CCDC178: variants seen among roughly 807,000 people sequenced by gnomAD.
CCDC178 encodes the protein coiled-coil domain containing 178.
Under a neutral mutation model 117.4 loss-of-function variants are expected in CCDC178, and 126 were observed. That is an observed-to-expected ratio of 1.07 (90% CI 0.93 to 1.24). CCDC178 has a LOEUF of 1.24. CCDC178 is among the 50% of genes most tolerant of loss of function. The pLI is 0.00. For missense variants in CCDC178, 1,030 were observed against 986.9 expected, an observed-to-expected ratio of 1.04 and a Z score of -0.59; for synonymous variants, 283 against 313.4, an observed-to-expected ratio of 0.90 and a Z score of 1.02.
At position 33,105,561 on chromosome 18, in the gene CCDC178, T is replaced by C. The variant is rs80211750; in HGVS notation, c.2239-12651A>G. Among the ~76,000 whole-genome samples, 90 of 151,844 alleles carry C rather than the reference T, an allele frequency of 5.9e-4. 1 individual carries two copies. The East Asian group carries it at 0.016, about 26-fold the overall frequency. On this transcript the variant is annotated intron_variant, in intron 20 of 22. Transcript: ENST00000383096. ...ATGTGTTCTTAAATGAGAGGACTTT[T>C]CAAAGAATTATACAGGAATGGTATT...
intron 20 of CCDC178, among the ~76,000 whole-genome samples, chr18:33,197,640 A>AT (rs2058946744): frequency 6.6e-6 from 1 of 151,500 alleles, no homozygotes; most frequent in South Asian, 2.1e-4. Flanking sequence ...AAAAAAAAAA[A>AT]TACTTATGCT....
intron 4 of CCDC178, among the ~76,000 whole-genome samples, chr18:33,392,410 C>T (rs1277591351): frequency 6.6e-6 from 1 of 152,156 alleles, no homozygotes; most frequent in Non-Finnish European, 1.5e-5. Context: ...TAGTTTTACT[C>T]TAATCTTCAA....
Position 32,937,502 on chromosome 18 carries a change from A to T in CCDC178, c.*509T>A, listed in dbSNP as rs1440345707. On this transcript the variant is annotated 3_prime_UTR_variant, in exon 23 of 23. Transcript: ENST00000383096. ...AATTAAGATAGAACATTGAGGAGTG[A>T]TTGAGAGAGACAGCTCTCAGTGAGC... 6.5e-6 allele frequency: 1 copy of T among 153,148 alleles called. No individual in the cohort carries two copies. The highest frequency in any genetic ancestry group is 1.5e-5 in the Non-Finnish European group (1 of 68,576). The allele number at this position is 153,148 out of a possible 1,614,324, so 9.5% of individuals were successfully genotyped here.
intron 9 of CCDC178, among the ~76,000 whole-genome samples, chr18:33,339,922 C>A (rs915716520): frequency 6.6e-5 from 10 of 152,122 alleles, no homozygotes; most frequent in African/African-American, 2.4e-4. Flanking sequence ...TGAACTAATA[C>A]AGTAAATTGG....
intron 21 of CCDC178, among the ~76,000 whole-genome samples, chr18:33,051,719 C>G (rs570894185): frequency 6.6e-6 from 1 of 152,264 alleles, no homozygotes; most frequent in African/African-American, 2.4e-5. Flanking sequence ...TTGCTCAGTC[C>G]AGGGGCGCCA....
intron 20 of CCDC178, among the ~76,000 whole-genome samples, chr18:33,166,173 G>A (rs1217637862): frequency 6.6e-6 from 1 of 152,162 alleles, no homozygotes; most frequent in Non-Finnish European, 1.5e-5. Context: ...TCTGGAAAGG[G>A]TCTTATGGAT....
intron 22 of CCDC178, among the ~76,000 whole-genome samples, chr18:32,972,394 C>T (rs2072385896): frequency 6.6e-6 from 1 of 152,016 alleles, no homozygotes; most frequent in African/African-American, 2.4e-5. Context: ...GTTTTGGTAC[C>T]AGTACCATGC....
intron 11 of CCDC178, among the ~76,000 whole-genome samples, chr18:33,305,273 T>A (rs1044563306): frequency 2.0e-5 from 3 of 152,164 alleles, no homozygotes; most frequent in African/African-American, 7.2e-5. Flanking sequence ...GTGCCAGGGA[T>A]CAGCTTTGGA....
At chr18:33,268,401 T>C (rs2059845838) in intron 12 of CCDC178, among the ~76,000 whole-genome samples, 1 of 151,884 alleles carries the variant, frequency 6.6e-6, no homozygotes, top group Admixed American at 6.6e-5. Flanking sequence ...TGAAATAATG[T>C]GAAATCTCTG....
chr18:33,179,112 C>CTATATA (rs554694009), intron 20 of CCDC178, among the ~76,000 whole-genome samples: 1 of 43,530 alleles, frequency 2.3e-5, no homozygotes, highest in Non-Finnish European at 3.7e-5. Flanking sequence ...TATATATAAA[C>CTATATA]TATATATATA....
Position 33,403,603 on chromosome 18 carries a change from T to C in CCDC178, c.59-6395A>G, listed in dbSNP as rs371721130. ...CTTTGATACATAAAAATCTTGAAAG[T>C]CAGCATTCGGTTTCTCTTAAAAGAA... On this transcript the variant is annotated intron_variant, in intron 3 of 22. Coordinates refer to ENST00000383096, the MANE Select transcript of CCDC178 (RefSeq NM_001105528.4). Among the ~76,000 whole-genome samples the C allele has an allele frequency of 2.0e-5, 3 of 151,964 alleles. No individual in the cohort carries two copies. In the East Asian group the frequency reaches 5.8e-4, roughly 29 times the overall value.
At chr18:33,175,643 T>C (rs1389092424) in intron 20 of CCDC178, among the ~76,000 whole-genome samples, 1 of 152,206 alleles carries the variant, frequency 6.6e-6, no homozygotes, top group Non-Finnish European at 1.5e-5. Context: ...TGCAATGCCT[T>C]GACTACCTAC....
At chr18:33,027,126 C>G (rs1165537054) in intron 21 of CCDC178, among the ~76,000 whole-genome samples, 1 of 151,728 alleles carries the variant, frequency 6.6e-6, no homozygotes, top group Non-Finnish European at 1.5e-5. Context: ...ATTCTAAACT[C>G]TAGCTTTGTT....
chr18:33,247,638 T>C (rs777733289), intron 14 of CCDC178, among the ~76,000 whole-genome samples: 4 of 151,950 alleles, frequency 2.6e-5, no homozygotes, highest in African/African-American at 4.8e-5. Flanking sequence ...AGTGTATGTA[T>C]ACTTTTGAGT....
chr18:33,192,238 T>C (rs755763532), intron 20 of CCDC178, among the ~76,000 whole-genome samples: 1 of 152,080 alleles, frequency 6.6e-6, no homozygotes, highest in Admixed American at 6.5e-5. Context: ...TATAGCAGAG[T>C]TTAATATAGT....
At chr18:32,983,902 A>C (rs2055206328) in intron 21 of CCDC178, among the ~76,000 whole-genome samples, 1 of 152,074 alleles carries the variant, frequency 6.6e-6, no homozygotes, top group Non-Finnish European at 1.5e-5. Context: ...TAGCAATTAT[A>C]AACTACTCCA....
Position 33,401,167 on chromosome 18 carries a change from T to C in CCDC178, c.59-3959A>G, listed in dbSNP as rs948226445. Among the ~76,000 whole-genome samples the C allele has an allele frequency of 9.8e-5, 15 of 152,308 alleles. 1 individual carries two copies. The East Asian group carries it at 1.9e-3, about 20-fold the overall frequency. ...AACAACAAATACCACTGATCACAGA[T>C]CACCATAACAGATAAAAATAATGAA... On this transcript the variant is annotated intron_variant, in intron 3 of 22. Transcript: ENST00000383096.
intron 22 of CCDC178, among the ~76,000 whole-genome samples, chr18:32,966,177 A>G (rs892435985): frequency 1.3e-5 from 2 of 151,808 alleles, no homozygotes; most frequent in East Asian, 3.9e-4. Flanking sequence ...CTTTTATCTC[A>G]CATAGCTGGC....
At chr18:33,022,739 A>G (rs2056147651) in intron 21 of CCDC178, among the ~76,000 whole-genome samples, 1 of 152,136 alleles carries the variant, frequency 6.6e-6, no homozygotes, top group South Asian at 2.1e-4. Context: ...CTCTAACATT[A>G]ATAACTACAT....
Sources: gnomAD v4.1 joint callset for allele counts (sites outside exome capture counted in the v4.1 genomes callset) on GRCh38, gnomAD v4.1.1 for gene constraint, MANE v1.5 for transcripts, NCBI Gene and HGNC (gene_info 2026-07-23, HGNC 2026-07-21) for gene names.